The following CMTM8 variants were observed in gnomAD, a reference collection of about 807,000 sequenced individuals.
CMTM8 encodes the protein CKLF like MARVEL transmembrane domain containing 8.
A neutral mutation model predicts 18.6 loss-of-function variants in CMTM8; 12 were observed. The observed-to-expected ratio is 0.65, with a 90% CI of 0.41 to 1.05. The LOEUF (loss-of-function observed/expected upper bound fraction) is 1.05, where lower values mean the gene tolerates loss of function less well. CMTM8 is among the 50% of genes least tolerant of loss of function. The pLI is 0.00. For missense variants in CMTM8, 217 were observed against 227.2 expected (o/e 0.95, Z 0.29); for synonymous variants, 87 against 90.6 (o/e 0.96, Z 0.23).
intron 1 of CMTM8, among the ~76,000 whole-genome samples, chr3:32,267,271 G>A (rs1702363696): frequency 6.6e-6 from 1 of 152,118 alleles, no homozygotes; most frequent in Non-Finnish European, 1.5e-5. Context: ...CAATGGAACA[G>A]AACAGAGCCC....
At position 32,262,151 on chromosome 3, in the gene CMTM8, T is replaced by C. The variant is rs142799293; in HGVS notation, c.147+23032T>C. ...ATTGTCCCCATTGCGAGTCATGATA[T>C]CACATGGCTGCCCCCTGACTTGCCT... is the stretch of plus-strand genomic sequence containing the variant. On this transcript the variant is annotated intron_variant, in intron 1 of 3. Coordinates refer to ENST00000307526, the MANE Select transcript of CMTM8 (RefSeq NM_178868.5). 4.5e-4 allele frequency among the ~76,000 whole-genome samples: 68 copies of C among 152,224 alleles called. 1 individual carries two copies. The East Asian group carries it at 0.011, about 25-fold the overall frequency.
chr3:32,328,705 A>G (rs949334685), intron 1 of CMTM8, among the ~76,000 whole-genome samples: 2 of 152,186 alleles, frequency 1.3e-5, no homozygotes, highest in Non-Finnish European at 2.9e-5. Context: ...AAAGACTACT[A>G]TGAACAATTA....
At position 32,290,988 on chromosome 3, in the gene CMTM8, T is replaced by C. The variant is rs530745578; in HGVS notation, c.147+51869T>C. On this transcript the variant is annotated intron_variant, in intron 1 of 3. Coordinates refer to ENST00000307526, the MANE Select transcript of CMTM8 (RefSeq NM_178868.5). ...GTCTTGAACTCTGAATCCCAAGTGA[T>C]CCACCCACCTCAGCCTCCCACAGTG... is the stretch of plus-strand genomic sequence containing the variant. 5.3e-5 allele frequency among the ~76,000 whole-genome samples: 8 copies of C among 152,286 alleles called. No homozygotes were observed. In the East Asian group the frequency reaches 1.2e-3, roughly 22 times the overall value.
chr3:32,252,904 G>A (rs1702131955), intron 1 of CMTM8, among the ~76,000 whole-genome samples: 1 of 152,160 alleles, frequency 6.6e-6, no homozygotes, highest in South Asian at 2.1e-4. Flanking sequence ...TAACTGTAGG[G>A]TCTGTTATTC....
At chr3:32,365,599 C>T (rs1354677174) in intron 2 of CMTM8, among the ~76,000 whole-genome samples, 1 of 152,144 alleles carries the variant, frequency 6.6e-6, no homozygotes, top group African/African-American at 2.4e-5. Context: ...GGCCCATCGC[C>T]ACATTTGCCT....
chr3:32,321,919 G>C (rs942059871), intron 1 of CMTM8, among the ~76,000 whole-genome samples: 1 of 152,320 alleles, frequency 6.6e-6, no homozygotes, highest in Admixed American at 6.5e-5. Flanking sequence ...GGAAGTTTTT[G>C]TTCAAACACA....
intron 1 of CMTM8, among the ~76,000 whole-genome samples, chr3:32,266,923 G>A (rs369088401): frequency 6.6e-6 from 1 of 152,218 alleles, no homozygotes; most frequent in South Asian, 2.1e-4. Flanking sequence ...AAGGAGAACT[G>A]CAAACCACTG....
At chr3:32,319,203 C>T (rs1320153255) in intron 1 of CMTM8, among the ~76,000 whole-genome samples, 1 of 149,482 alleles carries the variant, frequency 6.7e-6, no homozygotes, top group African/African-American at 2.5e-5. Flanking sequence ...CTCAGCCTCC[C>T]GAGTAGCTGG....
intron 1 of CMTM8, among the ~76,000 whole-genome samples, chr3:32,326,515 CTTTTTTTT>C (rs58555396): frequency 2.6e-5 from 3 of 113,370 alleles, no homozygotes; most frequent in African/African-American, 6.3e-5. Context: ...TTCTTTCTTT[CTTTTTTTT>C]TTTTTTTTTT....
intron 1 of CMTM8, among the ~76,000 whole-genome samples, chr3:32,332,055 C>T (rs1575180424): frequency 6.6e-6 from 1 of 151,582 alleles, no homozygotes. Flanking sequence ...CACACACACA[C>T]AAGTAAGTCA....
intron 1 of CMTM8, among the ~76,000 whole-genome samples, chr3:32,346,361 T>A (rs1234916599): frequency 1.3e-5 from 2 of 152,234 alleles, no homozygotes; most frequent in African/African-American, 2.4e-5. Context: ...CAATTCTACA[T>A]GTTAACTAGT....
At chr3:32,332,938 T>G (rs1332952018) in intron 1 of CMTM8, among the ~76,000 whole-genome samples, 4 of 152,202 alleles carry the variant, frequency 2.6e-5, no homozygotes, top group Non-Finnish European at 5.9e-5. Flanking sequence ...ATGTGTTTGA[T>G]GTATATGCTG....
intron 1 of CMTM8, among the ~76,000 whole-genome samples, chr3:32,312,569 G>C (rs57747793): frequency 0.2 from 31,104 of 152,026 alleles, 3,726 homozygotes; most frequent in Non-Finnish European, 0.27. Context: ...CCTGGCATGT[G>C]AACATGTTCT....
intron 1 of CMTM8, among the ~76,000 whole-genome samples, chr3:32,330,674 T>G (rs1169527103): frequency 6.6e-6 from 1 of 152,144 alleles, no homozygotes; most frequent in Non-Finnish European, 1.5e-5. Flanking sequence ...CATTTATGGA[T>G]AATAGATCAC....
chr3:32,355,740 C>A (rs1696803954), intron 1 of CMTM8, among the ~76,000 whole-genome samples: 1 of 152,214 alleles, frequency 6.6e-6, no homozygotes, highest in Admixed American at 6.5e-5. Flanking sequence ...ATCTGACCTT[C>A]CCCAGCTCTC....
intron 1 of CMTM8, among the ~76,000 whole-genome samples, chr3:32,245,484 G>A (rs1433475468): frequency 6.6e-6 from 1 of 152,204 alleles, no homozygotes; most frequent in Non-Finnish European, 1.5e-5. Context: ...CTTGACCTGT[G>A]AATTGTAGGA....
At chr3:32,340,845 CTGTG>C (rs1696478271) in intron 1 of CMTM8, among the ~76,000 whole-genome samples, 1 of 152,242 alleles carries the variant, frequency 6.6e-6, no homozygotes, top group Admixed American at 6.5e-5. Context: ...CGAATTCCTC[CTGTG>C]CAGGGACCCA....
chr3:32,358,535 C>G lies in CMTM8; in HGVS notation c.321+989C>G, dbSNP rs1326009182. The stretch of plus-strand genomic sequence containing the variant: ...TTATGAACCAAATTTGAAATATAGT[C>G]TATTTGTGGTTATAGACTAAGTTAA... On this transcript the variant is annotated intron_variant, in intron 2 of 3. Transcript: ENST00000307526. This position sits in a 1 kb window ranked among gnomAD's most constrained non-coding sequence, Gnocchi z 4.1. 6.6e-6 allele frequency among the ~76,000 whole-genome samples: 1 copy of G among 152,120 alleles called. No homozygotes were observed. The highest frequency in any genetic ancestry group is 1.5e-5 in the Non-Finnish European group (1 of 68,022).
intron 1 of CMTM8, among the ~76,000 whole-genome samples, chr3:32,240,053 C>CAGAG (rs1701927151): frequency 6.6e-6 from 1 of 152,250 alleles, no homozygotes; most frequent in Admixed American, 6.5e-5. Context: ...AGCAGTGCCC[C>CAGAG]TCTGTCATCT....
Sources: gnomAD v4.1 joint callset for allele counts (sites outside exome capture counted in the v4.1 genomes callset) on GRCh38, gnomAD v4.1.1 for gene constraint, Gnocchi (gnomAD v3.1) non-coding constraint, MANE v1.5 for transcripts, NCBI Gene and HGNC (gene_info 2026-07-23, HGNC 2026-07-21) for gene names.